The following PCDHA9 variants were observed in gnomAD, a reference collection of about 807,000 sequenced individuals.
PCDHA9 encodes the protein protocadherin alpha 9.
In PCDHA9, 62 loss-of-function variants were observed where a neutral mutation model predicts 62.0. The observed-to-expected ratio is 1.00, with a 90% CI of 0.81 to 1.23. PCDHA9 has a LOEUF of 1.23. PCDHA9 is among the 50% of genes most tolerant of loss of function. The pLI is 0.00. For missense variants in PCDHA9, 1,205 were observed against 1,249.8 expected, an observed-to-expected ratio of 0.96 and a Z score of 0.54; for synonymous variants, 557 against 567.6, an observed-to-expected ratio of 0.98 and a Z score of 0.27.
At chr5:140,983,062 G>A (rs575564004) in intron 3 of PCDHA9, among the ~76,000 whole-genome samples, 2 of 152,168 alleles carry the variant, frequency 1.3e-5, no homozygotes, top group South Asian at 4.2e-4. Context: ...TCGGAACCAA[G>A]GCATTGTTTT....
At chr5:140,857,771 G>C in intron 1 of PCDHA9, 3 of 1,597,658 alleles carry the variant, frequency 1.9e-6, no homozygotes, top group Non-Finnish European at 2.6e-6. Flanking sequence ...CGCGGGCGGT[G>C]CAGTCAGTGA....
intron 1 of PCDHA9, chr5:140,878,044 G>A (rs1554170271): frequency 1.9e-6 from 1 of 516,218 alleles, no homozygotes; most frequent in Admixed American, 3.9e-5. Flanking sequence ...TGGAGGCCAT[G>A]GAGCACCACA....
chr5:140,850,469 G>A lies in PCDHA9; in HGVS notation c.1974G>A (p.Ala658=), dbSNP rs2150485500. 6.3e-6 allele frequency: 10 copies of A among 1,597,768 alleles called. 2 individuals carry two copies. The highest frequency in any genetic ancestry group is 8.6e-6 in the Non-Finnish European group (10 of 1,167,634). The change falls in exon 1 of 4, where the codon GCG becomes GCA. Residue 658 remains alanine (A), a synonymous_variant. Transcript: ENST00000532602. The part of the protein sequence containing the change: ...LVLVKDHGEP[A]LTATATVLVS... Reference sequence around the variant, plus strand: ...TGGTGAAAGACCACGGGGAGCCAGCGCTGACGGCCACGGCCACTGTGCTGG... The same window carrying A: ...TGGTGAAAGACCACGGGGAGCCAGCACTGACGGCCACGGCCACTGTGCTGG...
At chr5:140,928,555 A>T in intron 1 of PCDHA9, 1 of 1,614,240 alleles carries the variant, frequency 6.2e-7, no homozygotes, top group South Asian at 1.1e-5. Flanking sequence ...TTATCCGGTT[A>T]TCTTGTTTCC....
intron 1 of PCDHA9, chr5:140,859,976 T>C (rs2046117770): frequency 6.6e-6 from 1 of 151,980 alleles, no homozygotes; most frequent in African/African-American, 2.4e-5. Context: ...GGTATACAAG[T>C]GCATTAATCT....
At chr5:140,858,465 T>G in intron 1 of PCDHA9, 1 of 1,522,706 alleles carries the variant, frequency 6.6e-7, no homozygotes, top group African/African-American at 1.4e-5. Flanking sequence ...ATTTTCCTTT[T>G]GTGCTTTATG....
chr5:140,968,768 C>T, intron 1 of PCDHA9: 1 of 1,614,174 alleles, frequency 6.2e-7, no homozygotes, highest in South Asian at 1.1e-5. Flanking sequence ...TAATGGAGAG[C>T]CATCACTATC....
rs10602499 is a variant in PCDHA9 at position 140,992,017 on chromosome 5, C to CTGTGTGTGTG, written c.2542+9482_2542+9491dup. Among the ~76,000 whole-genome samples, 121 of 145,620 alleles carry CTGTGTGTGTG rather than the reference C, an allele frequency of 8.3e-4. 2 individuals are homozygous for CTGTGTGTGTG. The highest frequency in any genetic ancestry group is 3.5e-3 in the Middle Eastern group (1 of 288). ...CTTTCATGTTCAGGCAGAGGTGGCT[C>CTGTGTGTGTG]TGTGTGTGTGTGTGTGTGTGTGTGT... On this transcript the variant is annotated intron_variant, in intron 3 of 3. Transcript: ENST00000532602.
chr5:141,001,253 C>G (rs896546841), intron 3 of PCDHA9, among the ~76,000 whole-genome samples: 1 of 152,078 alleles, frequency 6.6e-6, no homozygotes, highest in East Asian at 1.9e-4. Context: ...CCCTATGGGG[C>G]GGGCACTCTT....
chr5:140,909,202 G>A (rs1849054), intron 1 of PCDHA9, among the ~76,000 whole-genome samples: 48,059 of 152,084 alleles, frequency 0.32, 7,957 homozygotes, highest in East Asian at 0.53. Context: ...ACACAAAGCC[G>A]GAGAGTTGAT....
rs782699904 is a variant in PCDHA9 at position 140,969,414 on chromosome 5, G to A, written c.2395-9535G>A. The A allele has an allele frequency of 6.4e-6, 10 of 1,566,012 alleles. No homozygotes were observed. The Admixed American group carries it at 1.3e-4, about 21-fold the overall frequency. On this transcript the variant is annotated intron_variant, in intron 1 of 3. Coordinates refer to ENST00000532602, the MANE Select transcript of PCDHA9 (RefSeq NM_031857.2). ...ATATCCTGTGATTTGGCTTTATTGA[G>A]TCATTAACAGTGACAAGAGTTATCT...
At chr5:140,940,398 T>C (rs936966571) in intron 1 of PCDHA9, among the ~76,000 whole-genome samples, 10 of 152,340 alleles carry the variant, frequency 6.6e-5, no homozygotes, top group African/African-American at 2.4e-4. Context: ...TATTGTGTTT[T>C]TCATTTTAAA....
intron 1 of PCDHA9, chr5:140,968,910 T>G (rs782307931): frequency 1.9e-6 from 3 of 1,613,974 alleles, no homozygotes; most frequent in Non-Finnish European, 2.5e-6. Flanking sequence ...TTAAGCACAG[T>G]GTCTTTTATA....
At chr5:140,975,364 C>G (rs2096664243) in intron 1 of PCDHA9, among the ~76,000 whole-genome samples, 1 of 152,204 alleles carries the variant, frequency 6.6e-6, no homozygotes, top group South Asian at 2.1e-4. Flanking sequence ...TGCTACATAG[C>G]ATAATGTAAT....
At chr5:140,967,921 C>A (rs781932025) in intron 1 of PCDHA9, 3 of 1,614,172 alleles carry the variant, frequency 1.9e-6, no homozygotes, top group Middle Eastern at 3.3e-4. Context: ...CCATTGTGGC[C>A]GTTCTCAGTG....
At chr5:140,882,000 G>A in intron 1 of PCDHA9, 1 of 477,842 alleles carries the variant, frequency 2.1e-6, no homozygotes, top group Non-Finnish European at 3.5e-6. Flanking sequence ...GGAAATGCAA[G>A]GGGCAAAAAA....
chr5:140,935,286 C>T (rs1283279527), intron 1 of PCDHA9, among the ~76,000 whole-genome samples: 1 of 152,150 alleles, frequency 6.6e-6, no homozygotes, highest in Non-Finnish European at 1.5e-5. Context: ...TAAAGTTCAG[C>T]ACTCCGAGGT....
rs565233003 is a variant in PCDHA9 at position 140,851,830 on chromosome 5, T to C, written c.2394+941T>C. 1.2e-5 allele frequency: 12 copies of C among 967,780 alleles called. No homozygotes were observed. In the African/African-American group the frequency reaches 2.1e-4, roughly 17 times the overall value. The allele number at this position is 967,780 out of a possible 1,614,324, so 59.9% of individuals were successfully genotyped here. On this transcript the variant is annotated intron_variant, in intron 1 of 3. Coordinates refer to ENST00000532602, the MANE Select transcript of PCDHA9 (RefSeq NM_031857.2). ...TCCATAAGACAGAAATCTGTTTTTT[T>C]AAAAATATCTTTTTCTCCTCTCAGC...
chr5:140,872,861 C>T (rs1554166414), intron 1 of PCDHA9, among the ~76,000 whole-genome samples: 1 of 152,182 alleles, frequency 6.6e-6, no homozygotes, highest in African/African-American at 2.4e-5. Context: ...TGAGTACCTA[C>T]TGACAATTAT....
Sources: gnomAD v4.1 joint callset for allele counts (sites outside exome capture counted in the v4.1 genomes callset) on GRCh38, gnomAD v4.1.1 for gene constraint, MANE v1.5 for transcripts, NCBI Gene and HGNC (gene_info 2026-07-23, HGNC 2026-07-21) for gene names.